Variants in PPA2 observed in about 807,000 individuals in gnomAD.
PPA2 encodes inorganic pyrophosphatase 2, also known as inorganic pyrophosphatase 2, mitochondrial.
Under a neutral mutation model 49.5 loss-of-function variants are expected in PPA2, and 48 were observed. That is an observed-to-expected ratio of 0.97 (90% CI 0.77 to 1.23). The LOEUF (loss-of-function observed/expected upper bound fraction) is 1.23. Among genes scored for constraint, PPA2 ranks in the 50% most tolerant of loss-of-function variants. PPA2 has a pLI of 0.00. For synonymous variants in PPA2, 131 were observed against 139.9 expected, an observed-to-expected ratio of 0.94 and a Z score of 0.45; for missense variants, 429 against 410.1, an observed-to-expected ratio of 1.05 and a Z score of -0.40.
chr4:105,418,252 C>CACTATG (rs1723098401), intron 7 of PPA2, among the ~76,000 whole-genome samples: 2 of 152,170 alleles, frequency 1.3e-5, no homozygotes, highest in African/African-American at 4.8e-5. Context: ...CCCTTAAGAT[C>CACTATG]ACTATGCTAT....
In PPA2 at chr4:105,473,951, G is replaced by T. The variant is rs1276968539; in HGVS notation, c.100C>A (p.Leu34Met). 2 of 1,612,556 alleles carry T rather than the reference G, an allele frequency of 1.2e-6. No homozygotes were observed. Among genetic ancestry groups the T allele is most frequent in the South Asian group, 2.2e-5 (2 of 90,988 alleles). Residue 34 changes from leucine (L) to methionine (M), a missense_variant, in exon 1 of 12, where the codon CTG becomes ATG. Transcript: ENST00000341695. ...TGGCCGCGCTCCTCAGTGTGGTACA[G>T]GGCCATAGCACGGCGCGACCCGGTC... ...AGTGSRRAMA[L>M]YHTEERGQPC...
intron 6 of PPA2, among the ~76,000 whole-genome samples, chr4:105,433,348 T>C (rs1026864800): frequency 2.0e-5 from 3 of 152,190 alleles, no homozygotes; most frequent in Non-Finnish European, 4.4e-5. Context: ...TATTTCTTAA[T>C]AGAAAGAGAA....
At chr4:105,407,146 G>C (rs1722517972) in intron 7 of PPA2, 1 of 17,812 alleles carries the variant, frequency 5.6e-5, no homozygotes, top group South Asian at 1.4e-3. Context: ...TACAAGCATA[G>C]TGAAAGTCCT....
intron 7 of PPA2, among the ~76,000 whole-genome samples, chr4:105,404,140 TAG>T (rs989593961): frequency 6.6e-5 from 10 of 151,946 alleles, no homozygotes; most frequent in Non-Finnish European, 7.4e-5. Context: ...CTATTTAATC[TAG>T]AGACATATTA....
intron 1 of PPA2, chr4:105,473,450 C>T (rs376517186): frequency 7.9e-6 from 3 of 380,840 alleles, no homozygotes; most frequent in Admixed American, 3.3e-5. Context: ...TCAGGGAGCT[C>T]CCGCAGTAGG....
intron 7 of PPA2, chr4:105,423,381 C>T (rs757174122): frequency 2.0e-5 from 3 of 151,960 alleles, no homozygotes; most frequent in Non-Finnish European, 4.4e-5. Flanking sequence ...TAAAGAGGAT[C>T]CTGAGCAAGA....
intron 1 of PPA2, among the ~76,000 whole-genome samples, chr4:105,471,623 G>A (rs1723527162): frequency 6.6e-6 from 1 of 152,152 alleles, no homozygotes; most frequent in African/African-American, 2.4e-5. Flanking sequence ...GACACACTGA[G>A]TAATAAATAT....
intron 1 of PPA2, 124 bp from the exon 2 acceptor site, chr4:105,456,869 A>C: frequency 3.1e-6 from 2 of 655,514 alleles, no homozygotes; most frequent in South Asian, 3.8e-5. Flanking sequence ...GCTAACTTTA[A>C]CTCCCAACTT....
intron 1 of PPA2, among the ~76,000 whole-genome samples, chr4:105,469,802 G>A (rs1414184137): frequency 6.6e-6 from 1 of 152,104 alleles, no homozygotes; most frequent in Non-Finnish European, 1.5e-5. Flanking sequence ...CTATGATATA[G>A]GCCAACTTTA....
At chr4:105,387,422 TA>T (rs1232373323) in intron 9 of PPA2, among the ~76,000 whole-genome samples, 1 of 152,102 alleles carries the variant, frequency 6.6e-6, no homozygotes, top group Non-Finnish European at 1.5e-5. Context: ...AAATAATAGG[TA>T]AAACACACGT....
chr4:105,397,281 G>C (rs941260862), intron 8 of PPA2, among the ~76,000 whole-genome samples: 43 of 152,212 alleles, frequency 2.8e-4, no homozygotes, highest in Non-Finnish European at 4.9e-4. Context: ...AATTTCTCTC[G>C]GGTCTACGAT....
intron 6 of PPA2, among the ~76,000 whole-genome samples, chr4:105,430,630 C>G (rs1723753942): frequency 6.6e-6 from 1 of 152,098 alleles, no homozygotes; most frequent in African/African-American, 2.4e-5. Context: ...AACAGAGTGT[C>G]AAGGTAGGTT....
intron 6 of PPA2, among the ~76,000 whole-genome samples, chr4:105,427,544 G>A (rs1032622116): frequency 3.9e-5 from 6 of 152,054 alleles, no homozygotes; most frequent in African/African-American, 9.7e-5. Flanking sequence ...CGAGAACTTC[G>A]TGAAGCATAC....
chr4:105,374,883 G>GTTTTTTTTT, intron 10 of PPA2, among the ~76,000 whole-genome samples: 1 of 149,510 alleles, frequency 6.7e-6, no homozygotes, highest in Non-Finnish European at 1.5e-5. Context: ...TTAGAGACGG[G>GTTTTTTTTT]GTTTTACCAT....
chr4:105,378,872 C>T (rs967992940), intron 10 of PPA2, among the ~76,000 whole-genome samples: 6 of 152,072 alleles, frequency 3.9e-5, no homozygotes, highest in African/African-American at 1.2e-4. Context: ...ACTAATCTAT[C>T]TTTATGCCAT....
chr4:105,395,459 CTTG>C (rs148904260), intron 9 of PPA2, among the ~76,000 whole-genome samples: 1 of 152,218 alleles, frequency 6.6e-6, no homozygotes, highest in African/African-American at 2.4e-5. Context: ...GTCAATTGTA[CTTG>C]TTACTATAAT....
rs887901290 is a variant in PPA2, at chr4:105,386,559, C to T, written c.939+8G>A. The T allele has an allele frequency of 6.2e-7, 1 of 1,605,734 alleles. No homozygotes were observed. Among genetic ancestry groups the T allele is most frequent in the Non-Finnish European group, 8.5e-7 (1 of 1,172,976 alleles). On this transcript the variant is annotated splice_region_variant and intron_variant, in intron 10 of 11. Coordinates refer to ENST00000341695, the MANE Select transcript of PPA2 (RefSeq NM_176869.3). Reference sequence around the variant, plus strand: ...GATTAAAGGATGTCTTGGATGTTTGCCCCTTACCGATTCAACTAATGATCT... The same window carrying T: ...GATTAAAGGATGTCTTGGATGTTTGTCCCTTACCGATTCAACTAATGATCT...
chr4:105,448,594 A>G (rs940735495), intron 4 of PPA2, among the ~76,000 whole-genome samples: 3 of 151,488 alleles, frequency 2.0e-5, no homozygotes, highest in Non-Finnish European at 4.4e-5. Flanking sequence ...AAAAAAAGCT[A>G]ACCAGAAAAA....
chr4:105,409,077 C>A (rs111463766), intron 7 of PPA2, among the ~76,000 whole-genome samples: 5,012 of 152,252 alleles, frequency 0.033, 276 homozygotes, highest in African/African-American at 0.11. Context: ...CCATGGAGGG[C>A]GAGCAGAAGC....
Sources: allele counts gnomAD v4.1 joint callset (sites outside exome capture counted in the v4.1 genomes callset), GRCh38; gene constraint gnomAD v4.1.1; transcripts MANE v1.5; gene names NCBI Gene and HGNC (gene_info 2026-07-23, HGNC 2026-07-21).